TUSC3: variants seen among roughly 807,000 people sequenced by gnomAD.
The protein encoded by TUSC3 is dolichyl-diphosphooligosaccharide--protein glycosyltransferase subunit TUSC3.
A neutral mutation model predicts 44.8 loss-of-function variants in TUSC3; 45 were observed. The observed-to-expected ratio is 1.00, with a 90% CI of 0.79 to 1.29. The LOEUF (loss-of-function observed/expected upper bound fraction) is 1.29. Ranked by LOEUF, TUSC3 falls within the 50% of genes most tolerant of loss-of-function variation. TUSC3 has a pLI of 0.00. For missense variants in TUSC3, 519 were observed against 437.9 expected (o/e 1.19, Z -1.65); for synonymous variants, 212 against 152.9 (o/e 1.39, Z -2.85).
intron 1 of TUSC3, among the ~76,000 whole-genome samples, chr8:15,455,017 T>A (rs1207473441): frequency 6.6e-6 from 1 of 151,908 alleles, no homozygotes; most frequent in Non-Finnish European, 1.5e-5. Flanking sequence ...ATCTTAGGGG[T>A]TGGAGGGTAC....
downstream of TUSC3, among the ~76,000 whole-genome samples, chr8:15,768,328 TGG>T (rs2129226857): frequency 6.6e-6 from 1 of 152,170 alleles, no homozygotes; most frequent in South Asian, 2.1e-4. Context: ...TAACAAAACT[TGG>T]GGAGAGGGCA....
In TUSC3 at chr8:15,518,124, C is replaced by G. The variant is rs114824341; in HGVS notation, n.189+34641C>G. The stretch of plus-strand genomic sequence containing the variant: ...GATTTCATATAAATCTACATAATTC[C>G]ATGTGGGCTTTTGTACTTGGCTTGT... On this transcript the variant is annotated intron_variant and non_coding_transcript_variant, in intron 2 of 5. Coordinates refer to the TUSC3 transcript ENST00000503191. Among the ~76,000 whole-genome samples the G allele has an allele frequency of 3.0e-3, 461 of 152,136 alleles. 2 individuals are homozygous for G. The highest frequency in any genetic ancestry group is 0.011 in the African/African-American group (451 of 41,500).
At chr8:15,798,645 T>A in the TUSC3 span, among the ~76,000 whole-genome samples, 5 of 134,658 alleles carry the variant, frequency 3.7e-5, no homozygotes, top group African/African-American at 1.6e-4. Context: ...CTCTCCTGGG[T>A]GTGTGGGGGG....
At chr8:15,541,296 G>A (rs1489004181) in intron 1 of TUSC3, among the ~76,000 whole-genome samples, 1 of 152,222 alleles carries the variant, frequency 6.6e-6, no homozygotes, top group African/African-American at 2.4e-5. Flanking sequence ...TTTAAAGTAG[G>A]TGGAGTGTTT....
chr8:15,566,252 T>A (rs1159900396), intron 1 of TUSC3, among the ~76,000 whole-genome samples: 1 of 152,190 alleles, frequency 6.6e-6, no homozygotes, highest in Non-Finnish European at 1.5e-5. Flanking sequence ...TCTTTAGTAG[T>A]ATGTTCCCTC....
At chr8:15,454,498 G>C (rs1206719181) in intron 1 of TUSC3, among the ~76,000 whole-genome samples, 1 of 152,168 alleles carries the variant, frequency 6.6e-6, no homozygotes, top group African/African-American at 2.4e-5. Context: ...AATCTATTTT[G>C]CTTTGCCAGG....
At chr8:15,585,615 G>C (rs80248407) in intron 1 of TUSC3, among the ~76,000 whole-genome samples, 15,645 of 152,122 alleles carry the variant, frequency 0.1, 820 homozygotes, top group Middle Eastern at 0.15. Flanking sequence ...ATGTGCCTGT[G>C]GGCCCTTAGC....
At chr8:15,458,214 T>C (rs1232204654) in intron 1 of TUSC3, among the ~76,000 whole-genome samples, 2 of 152,112 alleles carry the variant, frequency 1.3e-5, no homozygotes, top group East Asian at 3.9e-4. Context: ...CTAACTTTAG[T>C]TTATAAAGTG....
At chr8:15,618,868 A>G (rs1263531038) in intron 1 of TUSC3, among the ~76,000 whole-genome samples, 4 of 152,108 alleles carry the variant, frequency 2.6e-5, no homozygotes, top group Non-Finnish European at 5.9e-5. Context: ...GCCCTTCAGT[A>G]TTAGGCGGTA....
At chr8:15,583,423 G>C (rs1803460189) in intron 1 of TUSC3, among the ~76,000 whole-genome samples, 1 of 152,170 alleles carries the variant, frequency 6.6e-6, no homozygotes, top group African/African-American at 2.4e-5. Flanking sequence ...TGCTACATGA[G>C]GATTACTGGA....
At chr8:15,549,871 C>G (rs1801998660) in intron 1 of TUSC3, among the ~76,000 whole-genome samples, 1 of 151,608 alleles carries the variant, frequency 6.6e-6, no homozygotes, top group South Asian at 2.1e-4. Flanking sequence ...AAGAACCCCT[C>G]AGACACTGAA....
chr8:15,622,929 C>A, intron 1 of TUSC3, 151 bp from the exon 2 acceptor site: 1 of 811,850 alleles, frequency 1.2e-6, no homozygotes, highest in African/African-American at 1.7e-5. Context: ...TCCTTTCTAT[C>A]TTTCTAGGAG....
chr8:15,761,181 A>C (rs1812154671), intron 10 of TUSC3, among the ~76,000 whole-genome samples: 1 of 152,178 alleles, frequency 6.6e-6, no homozygotes, highest in Admixed American at 6.5e-5. Flanking sequence ...ATTTCAAGTA[A>C]TAAACTTGCT....
At chr8:15,611,733 A>C (rs1804769730) in intron 1 of TUSC3, among the ~76,000 whole-genome samples, 1 of 152,136 alleles carries the variant, frequency 6.6e-6, no homozygotes, top group East Asian at 1.9e-4. Context: ...TTACTGAACT[A>C]TCAGTTTGTA....
the TUSC3 span, among the ~76,000 whole-genome samples, chr8:15,840,120 C>A: frequency 9.2e-4 from 140 of 152,138 alleles, no homozygotes; most frequent in African/African-American, 2.7e-3. Flanking sequence ...AGCAAACTAT[C>A]GCAAGACCAA....
chr8:15,687,566 G>A (rs923682853), intron 6 of TUSC3, among the ~76,000 whole-genome samples: 1 of 151,914 alleles, frequency 6.6e-6, no homozygotes, highest in Non-Finnish European at 1.5e-5. Context: ...TTAATTTTTA[G>A]TGTCACCATT....
At chr8:15,798,128 A>T in the TUSC3 span, among the ~76,000 whole-genome samples, 1 of 152,228 alleles carries the variant, frequency 6.6e-6, no homozygotes, top group Admixed American at 6.5e-5. Flanking sequence ...AGTCAAAAAC[A>T]TTGCCTCTGG....
At position 15,429,808 on chromosome 8, in the gene TUSC3, G is replaced by C. The variant is rs62500495; in HGVS notation, n.91+12503G>C. Among the ~76,000 whole-genome samples the C allele has an allele frequency of 2.0e-5, 3 of 151,488 alleles. 1 individual carries two copies. Among genetic ancestry groups the C allele is most frequent in the South Asian group, 2.1e-4 (1 of 4,812 alleles). ...AAATGACAAAGGGGATATCACCACC[G>C]ATCCCACAGAAATACAAACTACCAT... On this transcript the variant is annotated intron_variant and non_coding_transcript_variant, in intron 1 of 5. Coordinates refer to the TUSC3 transcript ENST00000503191.
At chr8:15,778,534 G>A in the TUSC3 span, among the ~76,000 whole-genome samples, 5 of 151,902 alleles carry the variant, frequency 3.3e-5, no homozygotes, top group African/African-American at 1.2e-4. Flanking sequence ...TCATCACCAT[G>A]CGAACACAAT....
Sources: allele counts gnomAD v4.1 joint callset (sites outside exome capture counted in the v4.1 genomes callset), GRCh38; gene constraint gnomAD v4.1.1; transcripts MANE v1.5; gene names NCBI Gene and HGNC (gene_info 2026-07-23, HGNC 2026-07-21).